BCAS1: variants seen among roughly 807,000 people sequenced by gnomAD.
The protein encoded by BCAS1 is brain enriched myelin associated protein 1.
BCAS1 carries 46 observed loss-of-function variants against 65.4 expected under a neutral mutation model. That is an observed-to-expected ratio of 0.70 (90% CI 0.55 to 0.90). BCAS1 has a LOEUF of 0.90. Ranked by LOEUF, BCAS1 falls within the 40% of genes least tolerant of loss-of-function variation. The pLI is 0.00. For synonymous variants in BCAS1, 298 were observed against 293.5 expected (o/e 1.02, Z -0.16); for missense variants, 793 against 771.2 (o/e 1.03, Z -0.33).
chr20:53,973,231 A>T (rs2090230006), intron 9 of BCAS1, among the ~76,000 whole-genome samples: 1 of 152,246 alleles, frequency 6.6e-6, no homozygotes, highest in Admixed American at 6.5e-5. Context: ...CTCTGTCTCA[A>T]GAAAACAAAC....
intron 1 of BCAS1, among the ~76,000 whole-genome samples, chr20:54,066,200 GT>G (rs1341447813): frequency 6.6e-6 from 1 of 152,056 alleles, no homozygotes; most frequent in African/African-American, 2.4e-5. Context: ...AGTCTCCCGA[GT>G]AGCTGGGACT....
intron 10 of BCAS1, among the ~76,000 whole-genome samples, chr20:53,957,896 T>C (rs371930117): frequency 2.5e-4 from 38 of 150,488 alleles, no homozygotes; most frequent in South Asian, 4.2e-4. Context: ...TTTTTTTTTT[T>C]CTCTCCTTGA....
intron 4 of BCAS1, among the ~76,000 whole-genome samples, chr20:54,003,226 C>CAAAAAA (rs36065746): frequency 6.9e-4 from 68 of 98,550 alleles, no homozygotes; most frequent in Non-Finnish European, 9.0e-4. Flanking sequence ...GCCAAACAGA[C>CAAAAAA]AAAAAAAAAA....
intron 3 of BCAS1, among the ~76,000 whole-genome samples, chr20:54,053,224 T>A (rs1255671818): frequency 3.3e-5 from 5 of 152,216 alleles, no homozygotes; most frequent in Admixed American, 6.5e-5. Flanking sequence ...TTTGATTTTT[T>A]AATATATTGT....
intron 3 of BCAS1, among the ~76,000 whole-genome samples, chr20:54,047,633 C>G (rs563879093): frequency 1.3e-5 from 2 of 152,258 alleles, no homozygotes; most frequent in African/African-American, 4.8e-5. Context: ...AGTGGTGATA[C>G]AGTGCAATGG....
chr20:53,946,564 C>T (rs6091790), intron 12 of BCAS1, among the ~76,000 whole-genome samples: 6,334 of 149,710 alleles, frequency 0.042, 379 homozygotes, highest in African/African-American at 0.13. Flanking sequence ...AGTATAATAA[C>T]GTATTGTAGC....
intron 8 of BCAS1, among the ~76,000 whole-genome samples, chr20:53,980,493 C>G (rs1458620459): frequency 6.6e-6 from 1 of 152,192 alleles, no homozygotes; most frequent in Non-Finnish European, 1.5e-5. Flanking sequence ...CATTATAGGG[C>G]CACTCTTAGG....
In BCAS1 at chr20:53,957,517, A is replaced by G. The variant is rs765100389; in HGVS notation, c.1486-20T>C. On this transcript the variant is annotated intron_variant, in intron 10 of 12. Coordinates refer to ENST00000688948, the MANE Select transcript of BCAS1 (RefSeq NM_001366298.2). ...CACTGACTAAAATAACAAACAGACA[A>G]TGGCCTTCAGCCACAAGTACAGTGA... The G allele has an allele frequency of 1.2e-6, 2 of 1,609,338 alleles. No homozygotes were observed. Among genetic ancestry groups the G allele is most frequent in the Non-Finnish European group, 1.7e-6 (2 of 1,175,604 alleles).
chr20:54,010,411 G>C (rs2091294409), intron 4 of BCAS1, among the ~76,000 whole-genome samples: 1 of 152,056 alleles, frequency 6.6e-6, no homozygotes, highest in Non-Finnish European at 1.5e-5. Flanking sequence ...AAGAATACAA[G>C]ATAAACATGT....
rs376597965 is a variant in BCAS1 at position 54,040,757 on chromosome 20, A to C, written c.143-11785T>G. ...TGCTGGTAGGAATGTGACATGGTGC[A>C]GCTGCTTTGGAAAGCAGTTTAACAG... On this transcript the variant is annotated intron_variant, in intron 3 of 12. Coordinates refer to ENST00000688948, the MANE Select transcript of BCAS1 (RefSeq NM_001366298.2). 5.9e-5 allele frequency among the ~76,000 whole-genome samples: 9 copies of C among 151,406 alleles called. No homozygotes were observed. The South Asian group carries it at 1.9e-3, about 32-fold the overall frequency.
At chr20:53,954,249 T>C (rs2089624627) in intron 11 of BCAS1, among the ~76,000 whole-genome samples, 1 of 149,020 alleles carries the variant, frequency 6.7e-6, no homozygotes, top group African/African-American at 2.5e-5. Context: ...AGGGAAAATC[T>C]CCCCGAAAAG....
At chr20:53,970,780 T>C (rs1242319512) in intron 9 of BCAS1, among the ~76,000 whole-genome samples, 3 of 152,336 alleles carry the variant, frequency 2.0e-5, no homozygotes, top group South Asian at 4.1e-4. Flanking sequence ...CTTTTGGAAA[T>C]TGATTTATGG....
Position 53,953,513 on chromosome 20 carries a change from C to T in BCAS1, c.1734G>A (p.Thr578=), listed in dbSNP as rs61333971. ...AQCTEQATVD[T]NSLQNGDKLQ... Reference sequence around the variant, plus strand: ...GCTTGTCCCCATTCTGCAGTGAGTTCGTGTCCACCGTGGCCTGCTCTGTGC... The same window carrying T: ...GCTTGTCCCCATTCTGCAGTGAGTTTGTGTCCACCGTGGCCTGCTCTGTGC... The change falls in exon 12 of 13, where the codon ACG becomes ACA. Residue 578 remains threonine (T), a synonymous_variant. Coordinates refer to ENST00000688948, the MANE Select transcript of BCAS1 (RefSeq NM_001366298.2). The T allele has an allele frequency of 3.7e-3, 5,939 of 1,613,866 alleles. 222 individuals are homozygous for T. The African/African-American group carries it at 0.067, about 18-fold the overall frequency.
At chr20:54,052,530 T>C (rs2092234214) in intron 3 of BCAS1, among the ~76,000 whole-genome samples, 1 of 152,200 alleles carries the variant, frequency 6.6e-6, no homozygotes, top group African/African-American at 2.4e-5. Flanking sequence ...CATGTGATCA[T>C]ATTAAGAGGT....
At chr20:54,017,316 CT>C (rs1300035411) in intron 4 of BCAS1, among the ~76,000 whole-genome samples, 1 of 151,530 alleles carries the variant, frequency 6.6e-6, no homozygotes, top group Non-Finnish European at 1.5e-5. Context: ...TGGCAGCAGG[CT>C]TTGCTTTGGG....
intron 4 of BCAS1, among the ~76,000 whole-genome samples, chr20:54,015,639 AC>A (rs2091421238): frequency 6.6e-6 from 1 of 152,232 alleles, no homozygotes; most frequent in Non-Finnish European, 1.5e-5. Context: ...AGATGATTAC[AC>A]ATTAGCTATA....
chr20:53,945,475 C>T (rs2089285298), intron 12 of BCAS1, among the ~76,000 whole-genome samples: 1 of 151,960 alleles, frequency 6.6e-6, no homozygotes, highest in Non-Finnish European at 1.5e-5. Context: ...CATATGTATA[C>T]ATGTGCCATG....
At chr20:53,989,908 A>C (rs558070794) in intron 7 of BCAS1, among the ~76,000 whole-genome samples, 1 of 152,238 alleles carries the variant, frequency 6.6e-6, no homozygotes, top group African/African-American at 2.4e-5. Flanking sequence ...ACATACTTAT[A>C]TTTAAATTAA....
chr20:53,999,466 T>C (rs1476403590), intron 4 of BCAS1, among the ~76,000 whole-genome samples: 2 of 152,236 alleles, frequency 1.3e-5, no homozygotes, highest in South Asian at 2.1e-4. Flanking sequence ...TTTGCCTAAG[T>C]AGCATTCCTC....
Sources: gnomAD v4.1 joint callset for allele counts (sites outside exome capture counted in the v4.1 genomes callset) on GRCh38, gnomAD v4.1.1 for gene constraint, MANE v1.5 for transcripts, NCBI Gene and HGNC (gene_info 2026-07-23, HGNC 2026-07-21) for gene names.